The following TRMT44 variants were observed in gnomAD, a reference collection of about 807,000 sequenced individuals.
TRMT44 encodes the protein tRNA methyltransferase 44 homolog.
Under a neutral mutation model 77.3 loss-of-function variants are expected in TRMT44, and 78 were observed. The observed-to-expected ratio is 1.01, with a 90% CI of 0.84 to 1.22. The LOEUF is 1.22. Ranked by LOEUF, TRMT44 falls within the 50% of genes most tolerant of loss-of-function variation. The pLI is 0.00. For missense variants in TRMT44, 1,090 were observed against 964.4 expected, an observed-to-expected ratio of 1.13 and a Z score of -1.73; for synonymous variants, 391 against 383.3, an observed-to-expected ratio of 1.02 and a Z score of -0.23.
At chr4:8,488,244 G>A (rs182869574) in intron 2 of TRMT44, among the ~76,000 whole-genome samples, 5 of 152,318 alleles carry the variant, frequency 3.3e-5, no homozygotes, top group South Asian at 4.1e-4. Context: ...TCCCCGGTCC[G>A]AGTCATGGCA....
chr4:8,443,512 CCT>C (rs954606890), intron 1 of TRMT44, among the ~76,000 whole-genome samples: 2 of 152,146 alleles, frequency 1.3e-5, no homozygotes, highest in African/African-American at 4.8e-5. Flanking sequence ...GGTTATAGAG[CCT>C]CTCTGTGCCT....
At chr4:8,496,527 TG>T (rs1728156316), downstream of TRMT44, among the ~76,000 whole-genome samples, 1 of 152,222 alleles carries the variant, frequency 6.6e-6, no homozygotes, top group Admixed American at 6.5e-5. Context: ...GACTGTCGGT[TG>T]CTACAGGGCA....
chr4:8,475,670 C>G (rs1258598418), intron 10 of TRMT44, 102 bp from the exon 11 acceptor site: 4 of 1,085,600 alleles, frequency 3.7e-6, no homozygotes, highest in East Asian at 2.4e-5. Context: ...ATCCCTGACC[C>G]TGGATTGGCA....
the TRMT44 span, chr4:8,506,889 T>A: frequency 3.3e-5 from 5 of 152,584 alleles, no homozygotes; most frequent in Non-Finnish European, 5.9e-5. Flanking sequence ...GTCAGCCGCC[T>A]GCAACAGGCA....
At chr4:8,508,153 T>C in the TRMT44 span, among the ~76,000 whole-genome samples, 1 of 152,128 alleles carries the variant, frequency 6.6e-6, no homozygotes, top group African/African-American at 2.4e-5. Flanking sequence ...GTGATCTGCC[T>C]GCCTCGGCCT....
chr4:8,481,038 G>C (rs1043799420), downstream of TRMT44, among the ~76,000 whole-genome samples: 6 of 152,114 alleles, frequency 3.9e-5, no homozygotes, highest in African/African-American at 1.4e-4. Context: ...TAAAACTCTA[G>C]CACCTTTTGA....
the TRMT44 span, among the ~76,000 whole-genome samples, chr4:8,500,862 A>C: frequency 6.6e-6 from 1 of 152,152 alleles, no homozygotes; most frequent in Admixed American, 6.5e-5. Flanking sequence ...AGGTTTCACC[A>C]TGTTGACCAG....
chr4:8,474,942 C>T lies in TRMT44; in HGVS notation c.2045-830C>T, dbSNP rs566908137. ...CCTGGCCCCACCCCACTCTGATGTC[C>T]CTCCAGCTCCCCAGTTTGGAGATCA... On this transcript the variant is annotated intron_variant, in intron 10 of 10. Transcript: ENST00000389737. Among the ~76,000 whole-genome samples the T allele has an allele frequency of 2.0e-5, 3 of 152,336 alleles. No individual in the cohort carries two copies. The East Asian group carries it at 5.8e-4, about 29-fold the overall frequency.
At chr4:8,499,188 G>T in the TRMT44 span, among the ~76,000 whole-genome samples, 5 of 152,098 alleles carry the variant, frequency 3.3e-5, no homozygotes, top group East Asian at 9.7e-4. Flanking sequence ...CTGGGTTCTA[G>T]GGTCCTGGGG....
chr4:8,502,373 C>A, the TRMT44 span, among the ~76,000 whole-genome samples: 1 of 152,242 alleles, frequency 6.6e-6, no homozygotes, highest in Non-Finnish European at 1.5e-5. Flanking sequence ...CTGAATATTT[C>A]TAATCTTCAG....
In TRMT44 at chr4:8,481,626, A is replaced by C. The variant is rs576067016; in HGVS notation, n.3891+2093A>C. ...TCCCAAAGTGCTGGGGTTACAGGCAAATATTCTTTATATTATATCAGCTTT... is the reference window on the plus strand; with the variant it reads ...TCCCAAAGTGCTGGGGTTACAGGCACATATTCTTTATATTATATCAGCTTT... On this transcript the variant is annotated intron_variant and non_coding_transcript_variant, in intron 2 of 2. Coordinates refer to the TRMT44 transcript ENST00000511366. Among the ~76,000 whole-genome samples the C allele has an allele frequency of 1.1e-4, 16 of 152,314 alleles. No homozygotes were observed. In the East Asian group the frequency reaches 2.9e-3, roughly 28 times the overall value.
rs751244950 is a variant in TRMT44, at chr4:8,441,143, C to T, written c.321C>T (p.Cys107=). The T allele has an allele frequency of 3.3e-6, 5 of 1,523,016 alleles. No homozygotes were observed. Among genetic ancestry groups the T allele is most frequent in the Non-Finnish European group, 4.4e-6 (5 of 1,137,930 alleles). 94.3% of individuals were successfully genotyped at this position (1,523,016 alleles called of 1,614,324 possible). A position where few individuals can be genotyped will look rare whatever the true frequency, so the allele number is the denominator to read the frequency against. Residue 107 remains cysteine (C), a synonymous_variant, in exon 1 of 11, where the codon TGC becomes TGT. Transcript: ENST00000389737. ...CCELEEAQGQ[C]QQEEAQREAA... ...AACTTGAGGAGGCCCAGGGCCAGTG[C>T]CAGCAAGAGGAGGCACAGAGGGAAG... is the stretch of plus-strand genomic sequence containing the variant.
intron 6 of TRMT44, among the ~76,000 whole-genome samples, chr4:8,455,671 G>C (rs981996837): frequency 2.0e-5 from 3 of 152,172 alleles, no homozygotes; most frequent in African/African-American, 7.2e-5. Flanking sequence ...GGCTGCTTCT[G>C]CTCATTTAAC....
chr4:8,462,521 A>G (rs1420410099), intron 6 of TRMT44, among the ~76,000 whole-genome samples: 2 of 152,022 alleles, frequency 1.3e-5, no homozygotes, highest in African/African-American at 4.8e-5. Context: ...CCTGACTAAC[A>G]TGGTGAAACC....
chr4:8,504,295 C>G, the TRMT44 span, among the ~76,000 whole-genome samples: 1 of 152,190 alleles, frequency 6.6e-6, no homozygotes, highest in African/African-American at 2.4e-5. This position sits in a 1 kb window ranked among gnomAD's most constrained non-coding sequence, Gnocchi z 5.3. Context: ...CAATGGCCCC[C>G]ATTCACTAAG....
chr4:8,452,087 G>T lies in TRMT44; in HGVS notation c.1023+59G>T. Reference sequence around the variant, plus strand: ...TGGGTGGAGTTTGCTACAGGCAGATGTTCCCTGTAGTGAAGGACATTTTCC... The same window carrying T: ...TGGGTGGAGTTTGCTACAGGCAGATTTTCCCTGTAGTGAAGGACATTTTCC... On this transcript the variant is annotated intron_variant, in intron 4 of 10. Coordinates refer to ENST00000389737, the MANE Select transcript of TRMT44 (RefSeq NM_152544.3). The surrounding 1 kb of genome is among the most constrained non-coding windows in gnomAD (Gnocchi z 5.7). 1 of 1,383,346 alleles carries T rather than the reference G, an allele frequency of 7.2e-7. No homozygotes were observed. The allele number at this position is 1,383,346 out of a possible 1,614,324, so 85.7% of individuals were successfully genotyped here.
Position 8,468,050 on chromosome 4 carries a change from G to A in TRMT44, c.1631G>A (p.Arg544His), listed in dbSNP as rs746418782. 7 of 1,613,904 alleles carry A rather than the reference G, an allele frequency of 4.3e-6. No individual in the cohort carries two copies. The highest frequency in any genetic ancestry group is 3.3e-5 in the South Asian group (3 of 91,084). ...PPGWELSPSP[R>H]WVAAGSAGHC... ...GGCTGGGAGCTTTCCCCTTCTCCAC[G>A]CTGGGTTGCTGCTGGCAGTGCTGGT... is the stretch of plus-strand genomic sequence containing the variant. The change falls in exon 9 of 11, where the codon CGC becomes CAC. Residue 544 changes from arginine to histidine, a missense_variant. Coordinates refer to ENST00000389737, the MANE Select transcript of TRMT44 (RefSeq NM_152544.3).
At chr4:8,471,221 C>G (rs755932087) in intron 10 of TRMT44, 21 bp downstream of exon 10, 25 of 1,472,784 alleles carry the variant, frequency 1.7e-5, no homozygotes, top group African/African-American at 2.8e-5. Flanking sequence ...CGCCTCTCCC[C>G]CGCCGTTCTT....
At position 8,468,272 on chromosome 4, in the gene TRMT44, A is replaced by T. The variant is rs1296398669; in HGVS notation, c.1853A>T (p.Asn618Ile). Residue 618 changes from asparagine to isoleucine, a missense_variant, in exon 9 of 11, where the codon AAT becomes ATT. Physicochemically the swap from Asn to Ile is moderately radical, Grantham distance 149 (BLOSUM62 -3). Transcript: ENST00000389737. ...FIDQVVLQVANLLLGGKQLNT... is the reference protein window; with the variant it reads ...FIDQVVLQVAILLLGGKQLNT... ...GACCAAGTGGTTTTGCAAGTAGCGA[A>T]TTTACTGTTAGGTGGAAAGCAATTA... 3 of 1,614,244 alleles carry T rather than the reference A, an allele frequency of 1.9e-6. No homozygotes were observed. The highest frequency in any genetic ancestry group is 2.5e-6 in the Non-Finnish European group (3 of 1,180,048).
Sources: gnomAD v4.1 joint callset for allele counts (sites outside exome capture counted in the v4.1 genomes callset) on GRCh38, gnomAD v4.1.1 for gene constraint, Gnocchi (gnomAD v3.1) non-coding constraint, MANE v1.5 for transcripts, NCBI Gene and HGNC (gene_info 2026-07-23, HGNC 2026-07-21) for gene names.